CLIP1: variants seen among roughly 807,000 people sequenced by gnomAD.
The protein encoded by CLIP1 is CAP-Gly domain-containing linker protein 1.
CLIP1 carries 66 observed loss-of-function variants against 161.6 expected under a neutral mutation model. The observed-to-expected ratio is 0.41, with a 90% CI of 0.33 to 0.50. The LOEUF (loss-of-function observed/expected upper bound fraction) is 0.50. CLIP1 is among the 20% of genes least tolerant of loss of function. The pLI is 0.27. For missense variants in CLIP1, 1,376 were observed against 1,702.0 expected, an observed-to-expected ratio of 0.81 and a Z score of 3.37; for synonymous variants, 598 against 626.2, an observed-to-expected ratio of 0.96 and a Z score of 0.67.
At chr12:122,363,192 C>T (rs1437861128) in intron 4 of CLIP1, among the ~76,000 whole-genome samples, 1 of 152,150 alleles carries the variant, frequency 6.6e-6, no homozygotes, top group Non-Finnish European at 1.5e-5. Context: ...CATCCTGTGT[C>T]TGGGAGGCAA....
intron 21 of CLIP1, among the ~76,000 whole-genome samples, chr12:122,285,211 G>A (rs190751076): frequency 6.7e-6 from 1 of 149,774 alleles, no homozygotes; most frequent in African/African-American, 2.5e-5. Flanking sequence ...CTACATAAAT[G>A]TAGGGAGATA....
At chr12:122,367,628 A>G (rs527319145) in intron 3 of CLIP1, among the ~76,000 whole-genome samples, 1 of 152,366 alleles carries the variant, frequency 6.6e-6, no homozygotes, top group Admixed American at 6.5e-5. Context: ...TAATGCATTG[A>G]CAATAAACAG....
chr12:122,351,098 A>C lies in CLIP1; in HGVS notation c.1401+13T>G. On this transcript the variant is annotated intron_variant, in intron 9 of 25. Transcript: ENST00000620786. ...AACAAGGGAAATATCCACACAGTTA[A>C]GTGCCCTCTTACATTCTCAGGATCT... The C allele has an allele frequency of 2.6e-6, 4 of 1,541,762 alleles. No individual in the cohort carries two copies. Among genetic ancestry groups the C allele is most frequent in the Non-Finnish European group, 2.6e-6 (3 of 1,147,420 alleles).
chr12:122,381,298 A>C (rs1396498399), intron 1 of CLIP1, among the ~76,000 whole-genome samples: 1 of 152,234 alleles, frequency 6.6e-6, no homozygotes, highest in African/African-American at 2.4e-5. Flanking sequence ...AGAATTATGC[A>C]ATTTACAATA....
At chr12:122,360,410 C>CAAAAAAAA (rs34294939) in intron 5 of CLIP1, among the ~76,000 whole-genome samples, 1 of 87,362 alleles carries the variant, frequency 1.1e-5, no homozygotes, top group Non-Finnish European at 2.3e-5. Flanking sequence ...CCTCTCTCTA[C>CAAAAAAAA]AAAAAAAAAA....
intron 23 of CLIP1, 66 bp from the exon 24 acceptor site, chr12:122,278,269 A>C: frequency 7.1e-7 from 1 of 1,418,168 alleles, no homozygotes; most frequent in Admixed American, 2.0e-5. Flanking sequence ...TTTAATCACA[A>C]TCTAAACTGC....
intron 11 of CLIP1, among the ~76,000 whole-genome samples, chr12:122,338,670 T>C (rs866558338): frequency 2.0e-5 from 3 of 152,022 alleles, no homozygotes; most frequent in East Asian, 3.9e-4. Flanking sequence ...TGACTCGAGA[T>C]TGTGCCACTG....
Position 122,411,979 on chromosome 12 carries a change from A to C in CLIP1, c.-107+10542T>G, listed in dbSNP as rs1038866986. ...TACTAAACTGTATGGCATATGAATT[A>C]TATCTCAATAAAGCTGTTATTTTTT... On this transcript the variant is annotated intron_variant, in intron 1 of 25. Transcript: ENST00000620786. 1.5e-4 allele frequency among the ~76,000 whole-genome samples: 23 copies of C among 151,538 alleles called. 1 individual carries two copies. Among genetic ancestry groups the C allele is most frequent in the African/African-American group, 5.1e-4 (21 of 41,202 alleles).
chr12:122,365,448 A>G (rs1392216617), intron 3 of CLIP1: 6 of 783,406 alleles, frequency 7.7e-6, no homozygotes, highest in Non-Finnish European at 1.4e-5. Flanking sequence ...AAGCACTCTA[A>G]GAGCCAAGAT....
At position 122,366,689 on chromosome 12, in the gene CLIP1, A is replaced by G. The variant is rs543593581; in HGVS notation, c.658-2582T>C. On this transcript the variant is annotated intron_variant, in intron 3 of 25. Transcript: ENST00000620786. ...AACTCCATCTCTACTAAAGATACAAAAATTAGCTGGATGCAGTGGCACATG... is the reference window on the plus strand; with the variant it reads ...AACTCCATCTCTACTAAAGATACAAGAATTAGCTGGATGCAGTGGCACATG... Among the ~76,000 whole-genome samples the G allele has an allele frequency of 5.9e-5, 9 of 152,192 alleles. No individual in the cohort carries two copies. The South Asian group carries it at 1.7e-3, about 28-fold the overall frequency.
chr12:122,397,028 C>G (rs1955938878), intron 1 of CLIP1, among the ~76,000 whole-genome samples: 1 of 142,018 alleles, frequency 7.0e-6, no homozygotes, highest in Admixed American at 8.1e-5. Flanking sequence ...ATCCACCAAC[C>G]TTGGCCTCCC....
At chr12:122,400,433 A>C (rs1251559643) in intron 1 of CLIP1, 2 of 152,070 alleles carry the variant, frequency 1.3e-5, no homozygotes, top group East Asian at 3.9e-4. Context: ...GACGGGCTTC[A>C]TTTCCCACGT....
chr12:122,384,264 A>G (rs1391180023), intron 1 of CLIP1, among the ~76,000 whole-genome samples: 1 of 152,178 alleles, frequency 6.6e-6, no homozygotes, highest in East Asian at 1.9e-4. Flanking sequence ...GATAGCACTC[A>G]TCAAGATGAA....
rs553477274 is a variant in CLIP1 at position 122,338,026 on chromosome 12, A to C, written c.2452-1278T>G. On this transcript the variant is annotated intron_variant, in intron 11 of 25. Coordinates refer to ENST00000620786, the MANE Select transcript of CLIP1 (RefSeq NM_001247997.2). ...CGAGACTCTGTCTCAAAAAAAAAAAAAACAAAACCAAAACCAAAAAACCTT... is the reference window on the plus strand; with the variant it reads ...CGAGACTCTGTCTCAAAAAAAAAAACAACAAAACCAAAACCAAAAAACCTT... Among the ~76,000 whole-genome samples, 107 of 151,314 alleles carry C rather than the reference A, an allele frequency of 7.1e-4. No individual in the cohort carries two copies. The Middle Eastern group carries it at 0.021, about 29-fold the overall frequency.
At chr12:122,336,410 G>C (rs931341658) in intron 12 of CLIP1, among the ~76,000 whole-genome samples, 10 of 62,512 alleles carry the variant, frequency 1.6e-4, no homozygotes, top group Non-Finnish European at 2.6e-4. Flanking sequence ...CGAAGGGATA[G>C]ATTAAAAAAA....
Position 122,307,487 on chromosome 12 carries a change from T to C in CLIP1, c.3594+2275A>G, listed in dbSNP as rs184083723. Among the ~76,000 whole-genome samples, 13 of 152,286 alleles carry C rather than the reference T, an allele frequency of 8.5e-5. No homozygotes were observed. In the South Asian group the frequency reaches 2.3e-3, roughly 27 times the overall value. On this transcript the variant is annotated intron_variant, in intron 20 of 25. Transcript: ENST00000620786. ...TGGGTCAGTACTTACCTTTCCCAAG[T>C]CAATCTAGTCTCCACTGTCTCGATT...
In CLIP1 at chr12:122,278,928, CCT is replaced by C; in HGVS notation, c.3778_3779del (p.Arg1260GlyfsTer19). The C allele has an allele frequency of 6.2e-7, 1 of 1,609,620 alleles. No homozygotes were observed. The highest frequency in any genetic ancestry group is 8.5e-7 in the Non-Finnish European group (1 of 1,178,828). ...AGGACTTGGCAGAGGCGTTTTCTCC[CCT>C]GAGCACTGTGACCTGAAACACAGTT... The part of the protein sequence containing the change: ...EKLRNEVTVL[R>X]GENASAKSLH... On this transcript the variant is annotated frameshift_variant, in exon 23 of 26. Transcript: ENST00000620786. LOFTEE classifies it high-confidence loss of function.
intron 4 of CLIP1, 68 bp downstream of exon 4, chr12:122,363,915 T>G: frequency 6.2e-7 from 1 of 1,605,310 alleles, no homozygotes; most frequent in Middle Eastern, 1.7e-4. Context: ...GATACACGCT[T>G]GGTGAGACTG....
intron 20 of CLIP1, among the ~76,000 whole-genome samples, chr12:122,308,965 C>T (rs952455920): frequency 6.6e-6 from 1 of 152,034 alleles, no homozygotes; most frequent in East Asian, 1.9e-4. Flanking sequence ...AAATTTTTTC[C>T]CCTTGGAGTA....
Sources: allele counts gnomAD v4.1 joint callset (sites outside exome capture counted in the v4.1 genomes callset), GRCh38; gene constraint gnomAD v4.1.1; transcripts MANE v1.5; gene names NCBI Gene and HGNC (gene_info 2026-07-23, HGNC 2026-07-21).